OXR1: variants seen among roughly 807,000 people sequenced by gnomAD.
OXR1 encodes oxidation resistance protein 1.
A neutral mutation model predicts 104.6 loss-of-function variants in OXR1; 41 were observed. That is an observed-to-expected ratio of 0.39 (90% confidence interval 0.31 to 0.51). The LOEUF is 0.51. Among genes scored for constraint, OXR1 ranks in the 20% least tolerant of loss-of-function variants. OXR1 has a pLI of 0.77. For missense variants in OXR1, 955 were observed against 1,031.9 expected (o/e 0.93, Z 1.02); for synonymous variants, 348 against 348.4 (o/e 1.00, Z 0.01).
At chr8:106,305,965 AT>A (rs1813448754) in intron 1 of OXR1, among the ~76,000 whole-genome samples, 1 of 152,026 alleles carries the variant, frequency 6.6e-6, no homozygotes, top group Non-Finnish European at 1.5e-5. Context: ...ATTGACTTAG[AT>A]TTTTAGAAAG....
At chr8:106,395,864 C>T (rs1053555591) in intron 2 of OXR1, among the ~76,000 whole-genome samples, 6 of 151,866 alleles carry the variant, frequency 4.0e-5, no homozygotes, top group Non-Finnish European at 8.8e-5. Context: ...AGGGAAGATA[C>T]AAGACAGACC....
At chr8:106,286,902 TTC>T (rs1384954994) in intron 1 of OXR1, among the ~76,000 whole-genome samples, 2 of 152,190 alleles carry the variant, frequency 1.3e-5, no homozygotes, top group Non-Finnish European at 2.9e-5. Context: ...ATCTTGTCAA[TTC>T]TCTATTTCTA....
At chr8:106,690,478 A>G (rs1467887879) in intron 6 of OXR1, among the ~76,000 whole-genome samples, 3 of 151,392 alleles carry the variant, frequency 2.0e-5, no homozygotes, top group African/African-American at 7.2e-5. Flanking sequence ...TTATAATAGG[A>G]CTTAGTGTTT....
intron 1 of OXR1, among the ~76,000 whole-genome samples, chr8:106,303,647 C>T (rs757339805): frequency 1.3e-5 from 2 of 152,102 alleles, no homozygotes; most frequent in Non-Finnish European, 2.9e-5. Flanking sequence ...TTATGGTACA[C>T]ATGCTCAAAA....
intron 1 of OXR1, among the ~76,000 whole-genome samples, chr8:106,302,282 TA>T (rs572922319): frequency 1.3e-5 from 2 of 151,484 alleles, no homozygotes; most frequent in African/African-American, 2.4e-5. Flanking sequence ...ATCTATGCCT[TA>T]AAAAAAAATC....
chr8:106,457,102 T>C (rs1820637515), intron 2 of OXR1, among the ~76,000 whole-genome samples: 1 of 152,196 alleles, frequency 6.6e-6, no homozygotes, highest in South Asian at 2.1e-4. Flanking sequence ...ATACCTCCAA[T>C]GTGCCAGTCA....
intron 3 of OXR1, among the ~76,000 whole-genome samples, chr8:106,641,814 G>A (rs1484731231): frequency 6.6e-6 from 1 of 152,146 alleles, no homozygotes; most frequent in African/African-American, 2.4e-5. Flanking sequence ...AACATAGAGT[G>A]AGGTTATATA....
intron 4 of OXR1, among the ~76,000 whole-genome samples, chr8:106,682,258 GCTCT>G (rs976939784): frequency 4.1e-5 from 6 of 147,884 alleles, no homozygotes; most frequent in African/African-American, 1.2e-4. Context: ...TTTCTTCAGA[GCTCT>G]CTCTTTTTTT....
intron 2 of OXR1, among the ~76,000 whole-genome samples, chr8:106,478,807 A>G (rs1251302155): frequency 1.3e-5 from 2 of 151,866 alleles, no homozygotes; most frequent in Non-Finnish European, 2.9e-5. Context: ...CAGTAAGAAA[A>G]GGTTTTCCTG....
intron 1 of OXR1, among the ~76,000 whole-genome samples, chr8:106,336,326 AG>A (rs983723661): frequency 6.6e-6 from 1 of 152,190 alleles, no homozygotes; most frequent in African/African-American, 2.4e-5. Context: ...GTTTAGGGAA[AG>A]GCAGAAATTA....
chr8:106,582,098 G>C (rs1326882705), intron 3 of OXR1, among the ~76,000 whole-genome samples: 1 of 138,730 alleles, frequency 7.2e-6, no homozygotes, highest in Non-Finnish European at 1.5e-5. Flanking sequence ...CCAGTGACTA[G>C]TAAATTTTCT....
At chr8:106,515,155 T>C (rs1812776540) in intron 2 of OXR1, among the ~76,000 whole-genome samples, 1 of 152,106 alleles carries the variant, frequency 6.6e-6, no homozygotes, top group African/African-American at 2.4e-5. Flanking sequence ...CTTTGTTGCC[T>C]TGGTGATCTA....
chr8:106,442,356 G>T (rs1220325169), intron 2 of OXR1, among the ~76,000 whole-genome samples: 5 of 152,154 alleles, frequency 3.3e-5, no homozygotes, highest in South Asian at 2.1e-4. Flanking sequence ...TATTCATCAG[G>T]GATAATGGCC....
Position 106,692,787 on chromosome 8 carries a change from T to C in OXR1, c.585T>C (p.Pro195=). Reference sequence around the variant, plus strand: ...CATCTACTTTCACTGGTATTCGACCTGCACGAGTTGTATCTTCAACTTCTG... The same window carrying C: ...CATCTACTTTCACTGGTATTCGACCCGCACGAGTTGTATCTTCAACTTCTG... ...TPSSTFTGIR[P]ARVVSSTSEE... Residue 195 remains proline (P), a synonymous_variant, in exon 7 of 17, where the codon CCT becomes CCC. Transcript: ENST00000517566. The C allele has an allele frequency of 6.2e-7, 1 of 1,602,778 alleles. No homozygotes were observed. Among genetic ancestry groups the C allele is most frequent in the Non-Finnish European group, 8.5e-7 (1 of 1,172,228 alleles).
intron 3 of OXR1, among the ~76,000 whole-genome samples, chr8:106,622,677 G>T (rs1223287536): frequency 6.6e-6 from 1 of 152,026 alleles, no homozygotes; most frequent in East Asian, 1.9e-4. Context: ...TTATAAAATT[G>T]TCTTTTCAGT....
chr8:106,742,532 A>G, intron 15 of OXR1: 1 of 410,664 alleles, frequency 2.4e-6, no homozygotes, highest in Non-Finnish European at 4.3e-6. Flanking sequence ...GCATCACGTT[A>G]CGTGACTTCA....
At chr8:106,370,891 T>A (rs1816678877) in intron 2 of OXR1, among the ~76,000 whole-genome samples, 1 of 152,224 alleles carries the variant, frequency 6.6e-6, no homozygotes, top group Admixed American at 6.5e-5. Context: ...GGGTTTGGTA[T>A]CAGGATGATG....
At chr8:106,353,098 G>A (rs1157836288) in intron 1 of OXR1, among the ~76,000 whole-genome samples, 1 of 152,154 alleles carries the variant, frequency 6.6e-6, no homozygotes, top group Non-Finnish European at 1.5e-5. Flanking sequence ...TATAATCCCA[G>A]CACTATGGGA....
chr8:106,284,798 C>G (rs1812424973), intron 1 of OXR1, among the ~76,000 whole-genome samples: 1 of 142,154 alleles, frequency 7.0e-6, no homozygotes, highest in Non-Finnish European at 1.5e-5. Context: ...TAACATTAAC[C>G]TCAATCTTTT....
Sources: allele counts gnomAD v4.1 joint callset (sites outside exome capture counted in the v4.1 genomes callset), GRCh38; gene constraint gnomAD v4.1.1; transcripts MANE v1.5; gene names NCBI Gene and HGNC (gene_info 2026-07-23, HGNC 2026-07-21).